Variants in TBC1D10A observed in about 807,000 individuals in gnomAD.
The protein encoded by TBC1D10A is TBC1 domain family member 10A, also known as EBP50-PDX interactor of 64 kDa.
Under a neutral mutation model 52.9 loss-of-function variants are expected in TBC1D10A, and 24 were observed. That is an observed-to-expected ratio of 0.45 (90% CI 0.33 to 0.64). The LOEUF (loss-of-function observed/expected upper bound fraction) is 0.64, where lower values mean the gene tolerates loss of function less well. Ranked by LOEUF, TBC1D10A falls within the 30% of genes least tolerant of loss-of-function variation. The pLI is 0.02. For missense variants in TBC1D10A, 602 were observed against 687.9 expected, an observed-to-expected ratio of 0.88 and a Z score of 1.40; for synonymous variants, 278 against 282.9, an observed-to-expected ratio of 0.98 and a Z score of 0.17.
chr22:30,308,679 C>T (rs754562172), intron 1 of TBC1D10A, among the ~76,000 whole-genome samples: 2 of 152,178 alleles, frequency 1.3e-5, no homozygotes, highest in African/African-American at 4.8e-5. Flanking sequence ...CACTGTCCCT[C>T]CCCAGCTGGA....
At position 30,318,303 on chromosome 22, in the gene TBC1D10A, G is replaced by A. The variant is rs565928507; in HGVS notation, c.209+8370C>T. The stretch of plus-strand genomic sequence containing the variant: ...TACCACCCTAAGGTAGGTTTTCCAT[G>A]TCCTCAGGCCCCAGTCCTCTCTTCT... On this transcript the variant is annotated intron_variant, in intron 1 of 8. Transcript: ENST00000215790. Among the ~76,000 whole-genome samples, 7 of 152,208 alleles carry A rather than the reference G, an allele frequency of 4.6e-5. No homozygotes were observed. The South Asian group carries it at 1.5e-3, about 32-fold the overall frequency.
rs1326659389 is a variant in TBC1D10A, at chr22:30,293,975, G to A, written c.841C>T (p.Arg281Ter). Residue 281 changes from arginine (R) to a stop codon, truncating the protein, a stop_gained, in exon 7 of 9, where the codon CGA becomes TGA. Transcript: ENST00000215790. LOFTEE classifies it high-confidence loss of function. Reference protein sequence around the residue: ...MTEWFMCAFSRTLPWSSVLRV... With the variant: ...MTEWFMCAFS ...AGCACAGAGCTCCAGGGCAAGGTTC[G>A]GGAGAAGGCGCACATGAACCATTCT... 1.2e-6 allele frequency: 2 copies of A among 1,614,128 alleles called. No homozygotes were observed. Among genetic ancestry groups the A allele is most frequent in the Non-Finnish European group, 8.5e-7 (1 of 1,179,984 alleles).
At chr22:30,321,671 C>G (rs1930654884) in intron 1 of TBC1D10A, among the ~76,000 whole-genome samples, 1 of 152,216 alleles carries the variant, frequency 6.6e-6, no homozygotes, top group South Asian at 2.1e-4. Context: ...AGCTCCTCAC[C>G]TCATTTGGCC....
chr22:30,293,915 C>A lies in TBC1D10A; in HGVS notation c.895+6G>T. On this transcript the variant is annotated splice_donor_region_variant and intron_variant, in intron 7 of 8. Coordinates refer to ENST00000215790, the MANE Select transcript of TBC1D10A (RefSeq NM_031937.3). ...AGGGGTGCTCCCCCCAAGCCCAGCCCAGTACCTTCACAGAAGAACATGTCC... is the reference window on the plus strand; with the variant it reads ...AGGGGTGCTCCCCCCAAGCCCAGCCAAGTACCTTCACAGAAGAACATGTCC... 1 of 1,612,002 alleles carries A rather than the reference C, an allele frequency of 6.2e-7. No individual in the cohort carries two copies. The highest frequency in any genetic ancestry group is 8.5e-7 in the Non-Finnish European group (1 of 1,178,206).
At chr22:30,313,417 T>G (rs2145779374) in intron 1 of TBC1D10A, among the ~76,000 whole-genome samples, 1 of 151,626 alleles carries the variant, frequency 6.6e-6, no homozygotes, top group East Asian at 1.9e-4. Context: ...GGAGTCTTGC[T>G]CTGTCGCCCA....
chr22:30,304,097 A>G (rs1293200295), intron 2 of TBC1D10A, among the ~76,000 whole-genome samples: 1 of 152,176 alleles, frequency 6.6e-6, no homozygotes, highest in Admixed American at 6.5e-5. Flanking sequence ...TAAAGTGGGG[A>G]TACTACTATT....
At chr22:30,317,805 C>T (rs1028317019) in intron 1 of TBC1D10A, among the ~76,000 whole-genome samples, 3 of 152,164 alleles carry the variant, frequency 2.0e-5, no homozygotes, top group Non-Finnish European at 4.4e-5. Flanking sequence ...CTATGTTGAC[C>T]AGACTGGTTG....
chr22:30,321,143 G>A (rs867802863), intron 1 of TBC1D10A, among the ~76,000 whole-genome samples: 4 of 152,188 alleles, frequency 2.6e-5, no homozygotes, highest in East Asian at 1.9e-4. Context: ...CTGGTGTGCC[G>A]GCTCCCTCCT....
intron 2 of TBC1D10A, among the ~76,000 whole-genome samples, chr22:30,303,464 TGG>T (rs1170556886): frequency 6.6e-6 from 1 of 152,226 alleles, no homozygotes; most frequent in Non-Finnish European, 1.5e-5. Flanking sequence ...CACCACTTCG[TGG>T]GGAGCAACAG....
intron 1 of TBC1D10A, among the ~76,000 whole-genome samples, chr22:30,322,833 C>T (rs1038974129): frequency 6.7e-6 from 1 of 149,396 alleles, no homozygotes; most frequent in Non-Finnish European, 1.5e-5. Context: ...TGGGCTCAAG[C>T]GATCGCCTGC....
chr22:30,294,085 A>T lies in TBC1D10A; in HGVS notation c.731T>A (p.Ile244Asn). Residue 244 changes from isoleucine to asparagine, a missense_variant, in exon 7 of 9, where the codon ATC (isoleucine) becomes AAC (asparagine). By Grantham distance (149) the Ile-to-Asn change is moderately radical. Transcript: ENST00000215790. ...CACCTTCTGCAACAGCGAGAAAAGG[A>T]TCTCCCCGTCCAGCTGGATCGCCTC... ...KLEAIQLDGE[I>N]LFSLLQKVSP... The T allele has an allele frequency of 6.2e-7, 1 of 1,613,902 alleles. No individual in the cohort carries two copies. Among genetic ancestry groups the T allele is most frequent in the South Asian group, 1.1e-5 (1 of 91,082 alleles).
chr22:30,302,035 A>C (rs542129491), intron 2 of TBC1D10A, among the ~76,000 whole-genome samples: 1 of 152,170 alleles, frequency 6.6e-6, no homozygotes, highest in African/African-American at 2.4e-5. Context: ...GCCCCACATC[A>C]TCACAGCCCC....
At chr22:30,306,513 A>G (rs1407087367) in intron 1 of TBC1D10A, among the ~76,000 whole-genome samples, 1 of 152,192 alleles carries the variant, frequency 6.6e-6, no homozygotes. Flanking sequence ...TCAAACCTCA[A>G]ACCGGAACTT....
At chr22:30,326,418 G>T (rs1252827168) in intron 1 of TBC1D10A, among the ~76,000 whole-genome samples, 1 of 151,522 alleles carries the variant, frequency 6.6e-6, no homozygotes, top group Non-Finnish European at 1.5e-5. Flanking sequence ...CTTCCTGGGA[G>T]CGGGTCAGTC....
In TBC1D10A at chr22:30,297,223, G is replaced by C. The variant is rs960833624; in HGVS notation, c.418-1380C>G. The C allele has an allele frequency of 6.6e-6, 1 of 152,370 alleles. No individual in the cohort carries two copies. Among genetic ancestry groups the C allele is most frequent in the Non-Finnish European group, 1.5e-5 (1 of 68,142 alleles). 9.4% of individuals were successfully genotyped at this position (152,370 alleles called of 1,614,324 possible). On this transcript the variant is annotated intron_variant, in intron 3 of 8. Transcript: ENST00000215790. This position sits in a 1 kb window ranked among gnomAD's most constrained non-coding sequence, Gnocchi z 4.3. ...AGGGAGGGGCTGGGGCCTCCACACA[G>C]AGCCCTAGAGCAGGCACATAGCGGA...
At chr22:30,294,754 G>T in intron 6 of TBC1D10A, 42 bp downstream of exon 6, 1 of 1,612,730 alleles carries the variant, frequency 6.2e-7, no homozygotes, top group East Asian at 2.2e-5. Context: ...GGCCACAGAG[G>T]GTGTCCAGCC....
intron 1 of TBC1D10A, among the ~76,000 whole-genome samples, chr22:30,324,243 C>T (rs566693008): frequency 2.0e-4 from 31 of 152,344 alleles, no homozygotes; most frequent in Middle Eastern, 3.4e-3. Context: ...TAGCCTTCAA[C>T]CACGAGACTG....
In TBC1D10A at chr22:30,295,854, G is replaced by A. The variant is rs1032028471; in HGVS notation, c.418-11C>T. 10 of 1,610,108 alleles carry A rather than the reference G, an allele frequency of 6.2e-6. No individual in the cohort carries two copies. Among genetic ancestry groups the A allele is most frequent in the Non-Finnish European group, 8.5e-6 (10 of 1,178,026 alleles). ...GGACATGTCCAGCTCCTAGAAGCAA[G>A]GGCACAAATTAGGGGCTGGGGAGGA... On this transcript the variant is annotated splice_polypyrimidine_tract_variant and intron_variant, in intron 3 of 8. Transcript: ENST00000215790.
chr22:30,294,920 C>CT lies in TBC1D10A; in HGVS notation c.639+20dup, dbSNP rs769905872. The stretch of plus-strand genomic sequence containing the variant: ...GGGGGTTCCCCACCCACCCCCCTGC[C>CT]TGCCCGGGGCCTGGTGGTACCTCAG... On this transcript the variant is annotated intron_variant, in intron 5 of 8. Coordinates refer to ENST00000215790, the MANE Select transcript of TBC1D10A (RefSeq NM_031937.3). The CT allele has an allele frequency of 2.5e-6, 4 of 1,614,068 alleles. No individual in the cohort carries two copies. The South Asian group carries it at 4.4e-5, about 18-fold the overall frequency.
Sources: gnomAD v4.1 joint callset for allele counts (sites outside exome capture counted in the v4.1 genomes callset) on GRCh38, gnomAD v4.1.1 for gene constraint, Gnocchi (gnomAD v3.1) non-coding constraint, MANE v1.5 for transcripts, NCBI Gene and HGNC (gene_info 2026-07-23, HGNC 2026-07-21) for gene names.